Variants in TRIO observed in about 807,000 individuals in gnomAD.
TRIO encodes triple functional domain protein.
A neutral mutation model predicts 351.9 loss-of-function variants in TRIO; 58 were observed. The observed-to-expected ratio is 0.16, with a 90% CI of 0.13 to 0.21. The LOEUF (loss-of-function observed/expected upper bound fraction) is 0.21. TRIO is among the 10% of genes least tolerant of loss of function. The pLI is 1.00. For synonymous variants in TRIO, 1,758 were observed against 1,595.7 expected (o/e 1.10, Z -2.42); for missense variants, 3,201 against 4,027.8 (o/e 0.79, Z 5.56).
Position 14,271,024 on chromosome 5 carries a change from G to A in TRIO, c.232+125G>A, listed in dbSNP as rs923687954. The A allele has an allele frequency of 1.1e-5, 8 of 711,664 alleles. No homozygotes were observed. In the South Asian group the frequency reaches 1.3e-4, roughly 11 times the overall value. 44.1% of individuals were successfully genotyped at this position (711,664 alleles called of 1,614,324 possible). ...TTGGCATTTCTATGAATTTTGAATG[G>A]CTTTATTCTTGTAGCACTGTTTCTG... On this transcript the variant is annotated intron_variant, in intron 2 of 56. Coordinates refer to ENST00000344204, the MANE Select transcript of TRIO (RefSeq NM_007118.4).
chr5:14,465,849 G>A lies in TRIO; in HGVS notation c.5763+209G>A, dbSNP rs974468165. 3 of 582,226 alleles carry A rather than the reference G, an allele frequency of 5.2e-6. No homozygotes were observed. The African/African-American group carries it at 5.6e-5, about 11-fold the overall frequency. The allele number at this position is 582,226 out of a possible 1,614,324, so 36.1% of individuals were successfully genotyped here. ...AAGCCATTATTCCCACATTTGCAGT[G>A]TATTCCCATGAAAGGACACAGATCA... On this transcript the variant is annotated intron_variant, in intron 37 of 56. Coordinates refer to ENST00000344204, the MANE Select transcript of TRIO (RefSeq NM_007118.4).
At chr5:14,150,786 C>A (rs900635629) in intron 1 of TRIO, among the ~76,000 whole-genome samples, 10 of 152,106 alleles carry the variant, frequency 6.6e-5, no homozygotes, top group African/African-American at 2.4e-4. Flanking sequence ...GATAGTAATA[C>A]TTGTGTTCAT....
chr5:14,420,278 A>AGACAG, intron 34 of TRIO: 1 of 472,958 alleles, frequency 2.1e-6, no homozygotes. Context: ...ATCAGTTTAG[A>AGACAG]GAAGAACACT....
At chr5:14,274,124 A>G (rs1245778631) in intron 2 of TRIO, among the ~76,000 whole-genome samples, 1 of 152,200 alleles carries the variant, frequency 6.6e-6, no homozygotes, top group East Asian at 1.9e-4. Context: ...TATCCCCCCA[A>G]AAAACCCGAT....
intron 1 of TRIO, among the ~76,000 whole-genome samples, chr5:14,260,553 G>A (rs1795285327): frequency 6.6e-6 from 1 of 152,188 alleles, no homozygotes; most frequent in African/African-American, 2.4e-5. Flanking sequence ...ATTCTTTGAT[G>A]TTATTAAAGA....
intron 34 of TRIO, among the ~76,000 whole-genome samples, chr5:14,456,188 C>T (rs1053643039): frequency 1.3e-5 from 2 of 152,256 alleles, no homozygotes; most frequent in African/African-American, 4.8e-5. Flanking sequence ...AGCACACGCC[C>T]ACCTGGAACT....
At chr5:14,453,732 G>A (rs1239687582) in intron 34 of TRIO, among the ~76,000 whole-genome samples, 1 of 152,174 alleles carries the variant, frequency 6.6e-6, no homozygotes, top group African/African-American at 2.4e-5. Context: ...CTGGGCCTTG[G>A]ATCAGCGGGT....
At chr5:14,294,813 A>G (rs1376679358) in intron 6 of TRIO, among the ~76,000 whole-genome samples, 1 of 152,220 alleles carries the variant, frequency 6.6e-6, no homozygotes, top group African/African-American at 2.4e-5. Flanking sequence ...ACTGCTTGAC[A>G]TATAGTAAGT....
intron 1 of TRIO, among the ~76,000 whole-genome samples, chr5:14,248,365 T>G (rs921539760): frequency 5.9e-5 from 9 of 152,214 alleles, no homozygotes; most frequent in African/African-American, 1.9e-4. Context: ...TTGCGAAGTG[T>G]GTTGAATGCA....
intron 53 of TRIO, 110 bp from the exon 54 acceptor site, chr5:14,502,469 G>GCATTCTTCTGGTTTCTGGGAGGC: frequency 2.1e-6 from 2 of 966,786 alleles, no homozygotes; most frequent in East Asian, 5.0e-5. Context: ...CGTGTGGCAG[G>GCATTCTTCTGGTTTCTGGGAGGC]TGCCCGGTGG....
At chr5:14,382,652 C>T (rs1746208711) in intron 21 of TRIO, among the ~76,000 whole-genome samples, 1 of 152,236 alleles carries the variant, frequency 6.6e-6, no homozygotes, top group South Asian at 2.1e-4. Context: ...TTTCCTCCTC[C>T]ACATACACAC....
intron 54 of TRIO, among the ~76,000 whole-genome samples, chr5:14,503,647 C>G (rs113218176): frequency 9.9e-5 from 15 of 152,204 alleles, no homozygotes; most frequent in Non-Finnish European, 1.9e-4. Context: ...AGCCTCAGAA[C>G]GACCAACGTC....
At chr5:14,215,874 A>T (rs1044018256) in intron 1 of TRIO, among the ~76,000 whole-genome samples, 1 of 152,122 alleles carries the variant, frequency 6.6e-6, no homozygotes, top group Non-Finnish European at 1.5e-5. Context: ...TGACTTATTT[A>T]TGTTGATTTG....
At chr5:14,195,396 A>G (rs548418131) in intron 1 of TRIO, among the ~76,000 whole-genome samples, 3 of 152,186 alleles carry the variant, frequency 2.0e-5, no homozygotes, top group Non-Finnish European at 4.4e-5. Context: ...TTGTCAGGCA[A>G]GGTGTTGATA....
chr5:14,498,364 C>T (rs1230603865), intron 52 of TRIO, 113 bp downstream of exon 52: 1 of 1,516,494 alleles, frequency 6.6e-7, no homozygotes, highest in Non-Finnish European at 8.9e-7. Flanking sequence ...TTCGGCACTC[C>T]ACTTCTTCCG....
At chr5:14,185,076 G>A (rs1477584599) in intron 1 of TRIO, among the ~76,000 whole-genome samples, 1 of 152,022 alleles carries the variant, frequency 6.6e-6, no homozygotes, top group Non-Finnish European at 1.5e-5. Context: ...CATCTCAAAG[G>A]CATTTTAGTT....
intron 1 of TRIO, among the ~76,000 whole-genome samples, chr5:14,151,432 C>G (rs1787828836): frequency 6.6e-6 from 1 of 151,390 alleles, no homozygotes. Context: ...AGGTATATCT[C>G]TTGGAAAGTC....
At chr5:14,380,579 T>G (rs148119510) in intron 20 of TRIO, among the ~76,000 whole-genome samples, 184 of 152,236 alleles carry the variant, frequency 1.2e-3, no homozygotes, top group African/African-American at 4.1e-3. Context: ...TTATTATGCC[T>G]TTAGGTTCAT....
At chr5:14,222,303 T>C (rs540381573) in intron 1 of TRIO, among the ~76,000 whole-genome samples, 1 of 152,304 alleles carries the variant, frequency 6.6e-6, no homozygotes, top group Admixed American at 6.5e-5. Flanking sequence ...CCAAGAAAGT[T>C]GTGTGACTCG....
Sources: gnomAD v4.1 joint callset for allele counts (sites outside exome capture counted in the v4.1 genomes callset) on GRCh38, gnomAD v4.1.1 for gene constraint, MANE v1.5 for transcripts, NCBI Gene and HGNC (gene_info 2026-07-23, HGNC 2026-07-21) for gene names.